The following MRPS11 variants were observed in gnomAD, a reference collection of about 807,000 sequenced individuals.
The protein encoded by MRPS11 is small ribosomal subunit protein uS11m.
A neutral mutation model predicts 24.3 loss-of-function variants in MRPS11; 27 were observed. The observed-to-expected ratio is 1.11, with a 90% CI of 0.82 to 1.53. The LOEUF is 1.53. Among genes scored for constraint, MRPS11 ranks in the 40% most tolerant of loss-of-function variants. The pLI, the probability that MRPS11 is intolerant of heterozygous loss-of-function variation, is 0.00. For synonymous variants in MRPS11, 104 were observed against 98.7 expected (o/e 1.05, Z -0.32); for missense variants, 277 against 256.5 (o/e 1.08, Z -0.55).
intron 3 of MRPS11, among the ~76,000 whole-genome samples, chr15:88,473,301 A>G (rs1294348991): frequency 6.6e-6 from 1 of 152,194 alleles, no homozygotes; most frequent in Admixed American, 6.5e-5. Context: ...GGAATTCCCA[A>G]ACATATGCTG....
chr15:88,467,806 G>C lies in MRPS11; in HGVS notation c.65+24G>C, dbSNP rs995287994. The C allele has an allele frequency of 3.1e-6, 5 of 1,613,822 alleles. No homozygotes were observed. In the Admixed American group the frequency reaches 5.0e-5, roughly 16 times the overall value. On this transcript the variant is annotated intron_variant, in intron 1 of 5. Transcript: ENST00000325844. ...GGGTAACAAATGACTGCCCCCTCGA[G>C]CCCACCGCCACCTCCAGGACTATGC...
Position 88,467,942 on chromosome 15 carries a change from T to A in MRPS11, c.100T>A (p.Cys34Ser). Residue 34 changes from cysteine to serine, a missense_variant, in exon 2 of 6, where the codon TGC becomes AGC. By Grantham distance (112) the Cys-to-Ser change is moderately radical (BLOSUM62 -1). Transcript: ENST00000325844. The stretch of plus-strand genomic sequence containing the variant: ...GGCCAGAACGCCGGCCGGGACCATC[T>A]GCACAGGCGCTCGACAGCTCCAAGA... ...VVARTPAGTI[C>S]TGARQLQDAA... 6.2e-7 allele frequency: 1 copy of A among 1,613,560 alleles called. No individual in the cohort carries two copies. The highest frequency in any genetic ancestry group is 8.5e-7 in the Non-Finnish European group (1 of 1,179,988).
At chr15:88,472,812 G>A (rs1452545200) in intron 3 of MRPS11, 87 bp downstream of exon 3, 5 of 1,111,602 alleles carry the variant, frequency 4.5e-6, no homozygotes, top group Admixed American at 2.0e-5. Flanking sequence ...TGAATACCCC[G>A]GGGTAGAAGT....
rs1003495731 is a variant in MRPS11, at chr15:88,477,791, C to G, written c.478-81C>G. ...CGTTCCCTTCTCTACGCCACCCTGT[C>G]CCTCTCCGAACCCTGCCTGGAGACA... On this transcript the variant is annotated intron_variant, in intron 5 of 5. Coordinates refer to ENST00000325844, the MANE Select transcript of MRPS11 (RefSeq NM_022839.5). The surrounding 1 kb of genome is among the most constrained non-coding windows in gnomAD (Gnocchi z 5.7). The G allele has an allele frequency of 2.4e-6, 3 of 1,232,122 alleles. No homozygotes were observed. The South Asian group carries it at 3.7e-5, about 15-fold the overall frequency. The allele number at this position is 1,232,122 out of a possible 1,614,324, so 76.3% of individuals were successfully genotyped here.
In MRPS11 at chr15:88,479,525, A is replaced by G. The variant is rs545977084; in HGVS notation, c.*1546A>G. On this transcript the variant is annotated 3_prime_UTR_variant, in exon 6 of 6. Transcript: ENST00000325844. ...AAGAAAGGAGGAAGATCACGAACCA[A>G]GACATGAATTTAGAGGAAAAATGCC... The G allele has an allele frequency of 5.9e-5, 9 of 152,334 alleles. No homozygotes were observed. Among genetic ancestry groups the G allele is most frequent in the Admixed American group, 5.9e-4 (9 of 15,308 alleles). 9.4% of individuals were successfully genotyped at this position (152,334 alleles called of 1,614,324 possible).
intron 2 of MRPS11, 159 bp downstream of exon 2, chr15:88,468,183 C>T: frequency 1.4e-6 from 2 of 1,446,694 alleles, no homozygotes; most frequent in Non-Finnish European, 1.8e-6. Flanking sequence ...TCTAAAAATG[C>T]GGATAATGCT....
rs1356744731 is a variant in MRPS11, at chr15:88,469,731, G to A, written c.182+1707G>A. ...GGAAAAGTCCTCTAAGCAGTTAGAA[G>A]ACTATTGAAATAATCCAGACAAGAA... On this transcript the variant is annotated intron_variant, in intron 2 of 5. Coordinates refer to ENST00000325844, the MANE Select transcript of MRPS11 (RefSeq NM_022839.5). The surrounding 1 kb of genome is among the most constrained non-coding windows in gnomAD (Gnocchi z 4.4). Among the ~76,000 whole-genome samples the A allele has an allele frequency of 1.3e-5, 2 of 152,220 alleles. No homozygotes were observed. Among genetic ancestry groups the A allele is most frequent in the Non-Finnish European group, 2.9e-5 (2 of 68,030 alleles).
At chr15:88,474,928 A>C in intron 3 of MRPS11, 182 bp from the exon 4 acceptor site, 1 of 638,500 alleles carries the variant, frequency 1.6e-6, no homozygotes, top group Non-Finnish European at 2.6e-6. Context: ...GGTTTAGGGG[A>C]GAATTCTGAC....
chr15:88,477,775 C>T lies in MRPS11; in HGVS notation c.478-97C>T, dbSNP rs550792489. 167 of 1,034,740 alleles carry T rather than the reference C, an allele frequency of 1.6e-4. No individual in the cohort carries two copies. In the African/African-American group the frequency reaches 2.5e-3, roughly 16 times the overall value. The allele number at this position is 1,034,740 out of a possible 1,614,324, so 64.1% of individuals were successfully genotyped here. On this transcript the variant is annotated intron_variant, in intron 5 of 5. Coordinates refer to ENST00000325844, the MANE Select transcript of MRPS11 (RefSeq NM_022839.5). This position sits in a 1 kb window ranked among gnomAD's most constrained non-coding sequence, Gnocchi z 5.7. ...GAGCATCTCACCCCTCCGTTCCCTTCTCTACGCCACCCTGTCCCTCTCCGA... is the reference window on the plus strand; with the variant it reads ...GAGCATCTCACCCCTCCGTTCCCTTTTCTACGCCACCCTGTCCCTCTCCGA...
chr15:88,475,208 C>T lies in MRPS11; in HGVS notation c.380C>T (p.Ala127Val), dbSNP rs758357205. Residue 127 changes from alanine to valine, a missense_variant, in exon 4 of 6, where the codon GCA (alanine) becomes GTA (valine). Physicochemically the swap from Ala to Val is moderately conservative, Grantham distance 64. Transcript: ENST00000325844. The surrounding 1 kb of genome is among the most constrained non-coding windows in gnomAD (Gnocchi z 4.1). ...FRNAKKGTGI[A>V]AQTAGIAAAA... The stretch of plus-strand genomic sequence containing the variant: ...AATGCCAAGAAGGGCACAGGCATCG[C>T]AGCACAGACAGCAGGCATAGCCGCA... 4 of 1,614,124 alleles carry T rather than the reference C, an allele frequency of 2.5e-6. No individual in the cohort carries two copies. The highest frequency in any genetic ancestry group is 2.2e-5 in the South Asian group (2 of 91,086).
chr15:88,477,018 C>T lies in MRPS11; in HGVS notation c.441C>T (p.Ile147=). The T allele has an allele frequency of 1.2e-6, 2 of 1,614,040 alleles. No individual in the cohort carries two copies. Among genetic ancestry groups the T allele is most frequent in the South Asian group, 2.2e-5 (2 of 91,018 alleles). ...CTAAACAAAAGGGCGTGATCCACAT[C>T]CGAGTTGTGGTGAAAGGCCTGGGGC... ...ARAKQKGVIH[I]RVVVKGLGPG... The change falls in exon 5 of 6, where the codon ATC becomes ATT. Residue 147 remains isoleucine (I), a synonymous_variant. Transcript: ENST00000325844. The surrounding 1 kb of genome is among the most constrained non-coding windows in gnomAD (Gnocchi z 5.7).
rs2055790845 is a variant in MRPS11 at position 88,475,020 on chromosome 15, T to A, written c.282-90T>A. On this transcript the variant is annotated intron_variant, in intron 3 of 5. Coordinates refer to ENST00000325844, the MANE Select transcript of MRPS11 (RefSeq NM_022839.5). The surrounding 1 kb of genome is among the most constrained non-coding windows in gnomAD (Gnocchi z 4.1). ...AGAAGCAACTGAATTCCTTTTTCTT[T>A]CTCACCCAGGCTTCTAGGGGCATAG... 1.4e-6 allele frequency: 2 copies of A among 1,470,306 alleles called. No homozygotes were observed. The highest frequency in any genetic ancestry group is 1.8e-6 in the Non-Finnish European group (2 of 1,092,720). The allele number at this position is 1,470,306 out of a possible 1,614,324, so 91.1% of individuals were successfully genotyped here.
Position 88,475,074 on chromosome 15 carries a change from G to A in MRPS11, c.282-36G>A. On this transcript the variant is annotated intron_variant, in intron 3 of 5. Transcript: ENST00000325844. This position sits in a 1 kb window ranked among gnomAD's most constrained non-coding sequence, Gnocchi z 4.1. The stretch of plus-strand genomic sequence containing the variant: ...AGCTCTCTCTTATTTCCCTGAAGAA[G>A]AGTTGTATCCTATGTGCTTCTTCTA... 1 of 1,610,510 alleles carries A rather than the reference G, an allele frequency of 6.2e-7. No homozygotes were observed. Among genetic ancestry groups the A allele is most frequent in the South Asian group, 1.1e-5 (1 of 90,774 alleles).
chr15:88,478,177 C>A lies in MRPS11; in HGVS notation c.*198C>A, dbSNP rs1433626798. 1 of 590,560 alleles carries A rather than the reference C, an allele frequency of 1.7e-6. No homozygotes were observed. Among genetic ancestry groups the A allele is most frequent in the Non-Finnish European group, 3.0e-6 (1 of 331,820 alleles). The allele number at this position is 590,560 out of a possible 1,614,324, so 36.6% of individuals were successfully genotyped here. A position where few individuals can be genotyped will look rare whatever the true frequency, so the allele number is the denominator to read the frequency against. The stretch of plus-strand genomic sequence containing the variant: ...GGGTGTGCCCCAGAAGTAAGCTTTG[C>A]ATCTCTTACAAGAGGGGAGCTACAG... On this transcript the variant is annotated 3_prime_UTR_variant, in exon 6 of 6. Coordinates refer to ENST00000325844, the MANE Select transcript of MRPS11 (RefSeq NM_022839.5). This position sits in a 1 kb window ranked among gnomAD's most constrained non-coding sequence, Gnocchi z 4.7.
Position 88,480,233 on chromosome 15 carries a change from T to C in MRPS11, c.*2254T>C, listed in dbSNP as rs939428883. 14 of 152,244 alleles carry C rather than the reference T, an allele frequency of 9.2e-5. No homozygotes were observed. The highest frequency in any genetic ancestry group is 3.4e-4 in the African/African-American group (14 of 41,460). 9.4% of individuals were successfully genotyped at this position (152,244 alleles called of 1,614,324 possible). On this transcript the variant is annotated 3_prime_UTR_variant, in exon 6 of 6. Coordinates refer to ENST00000325844, the MANE Select transcript of MRPS11 (RefSeq NM_022839.5). This position sits in a 1 kb window ranked among gnomAD's most constrained non-coding sequence, Gnocchi z 5.1. ...ACACCATAGGTTTTTATTTTGGTTT[T>C]GGTTTTTGAGTCTCGTTGTCACCCA...
intron 1 of MRPS11, 34 bp downstream of exon 1, chr15:88,467,816 A>G (rs887048758): frequency 1.9e-6 from 3 of 1,613,428 alleles, no homozygotes; most frequent in Non-Finnish European, 1.7e-6. Flanking sequence ...GCCCACCGCC[A>G]CCTCCAGGAC....
chr15:88,475,032 T>C lies in MRPS11; in HGVS notation c.282-78T>C, dbSNP rs2055791043. ...ATTCCTTTTTCTTTCTCACCCAGGC[T>C]TCTAGGGGCATAGATTAGCTCTCTC... is the stretch of plus-strand genomic sequence containing the variant. On this transcript the variant is annotated intron_variant, in intron 3 of 5. Transcript: ENST00000325844. The surrounding 1 kb of genome is among the most constrained non-coding windows in gnomAD (Gnocchi z 4.1). 1 of 1,544,914 alleles carries C rather than the reference T, an allele frequency of 6.5e-7. No homozygotes were observed. Among genetic ancestry groups the C allele is most frequent in the East Asian group, 2.3e-5 (1 of 44,182 alleles).
intron 3 of MRPS11, among the ~76,000 whole-genome samples, chr15:88,473,821 G>A (rs2055765625): frequency 6.6e-6 from 1 of 152,134 alleles, no homozygotes; most frequent in Non-Finnish European, 1.5e-5. Flanking sequence ...TGACTAAAGG[G>A]GAAATCAAAG....
intron 4 of MRPS11, 115 bp from the exon 5 acceptor site, chr15:88,476,874 T>C (rs1053287949): frequency 1.7e-5 from 17 of 1,024,300 alleles, no homozygotes; most frequent in African/African-American, 9.7e-5. Context: ...CCCTGTTTAC[T>C]TCTCTGGATG....
Sources: gnomAD v4.1 joint callset for allele counts (sites outside exome capture counted in the v4.1 genomes callset) on GRCh38, gnomAD v4.1.1 for gene constraint, Gnocchi (gnomAD v3.1) non-coding constraint, MANE v1.5 for transcripts, NCBI Gene and HGNC (gene_info 2026-07-23, HGNC 2026-07-21) for gene names.